The following TTC29 variants were observed in gnomAD, a reference collection of about 807,000 sequenced individuals.
The protein encoded by TTC29 is tetratricopeptide repeat domain 29.
Under a neutral mutation model 58.1 loss-of-function variants are expected in TTC29, and 49 were observed. That is an observed-to-expected ratio of 0.84 (90% CI 0.67 to 1.07). The LOEUF (loss-of-function observed/expected upper bound fraction) is 1.07, where lower values mean the gene tolerates loss of function less well. Among genes scored for constraint, TTC29 ranks in the 50% least tolerant of loss-of-function variants. The pLI is 0.00. For synonymous variants in TTC29, 209 were observed against 196.8 expected (o/e 1.06, Z -0.52); for missense variants, 582 against 555.6 (o/e 1.05, Z -0.48).
intron 11 of TTC29, among the ~76,000 whole-genome samples, chr4:146,737,781 A>T (rs1263820048): frequency 1.6e-4 from 24 of 152,188 alleles, no homozygotes; most frequent in Admixed American, 1.4e-3. Flanking sequence ...CATAATGTAC[A>T]ACAATGGGCA....
chr4:146,783,237 T>C (rs2150090702), intron 11 of TTC29, among the ~76,000 whole-genome samples: 1 of 152,186 alleles, frequency 6.6e-6, no homozygotes, highest in African/African-American at 2.4e-5. Context: ...TATTATCAAA[T>C]TCCTTTTCAC....
At chr4:146,718,895 T>C (rs1283388549) in intron 11 of TTC29, among the ~76,000 whole-genome samples, 1 of 152,166 alleles carries the variant, frequency 6.6e-6, no homozygotes, top group Non-Finnish European at 1.5e-5. Context: ...ATGATGTGCG[T>C]TAAGGTTCAA....
At chr4:146,856,326 T>C (rs955481076) in intron 8 of TTC29, among the ~76,000 whole-genome samples, 14 of 152,030 alleles carry the variant, frequency 9.2e-5, no homozygotes, top group Non-Finnish European at 4.4e-5. Flanking sequence ...ATAAGTAAAA[T>C]AATCATGAAG....
At chr4:146,807,487 T>C (rs1022962809) in intron 10 of TTC29, among the ~76,000 whole-genome samples, 2 of 151,782 alleles carry the variant, frequency 1.3e-5, no homozygotes, top group African/African-American at 4.8e-5. Flanking sequence ...ACAGATAGAA[T>C]GCTAGCCAGA....
At chr4:146,727,989 A>G (rs1465715252) in intron 11 of TTC29, among the ~76,000 whole-genome samples, 1 of 152,140 alleles carries the variant, frequency 6.6e-6, no homozygotes, top group East Asian at 1.9e-4. Context: ...GCTAACTGGA[A>G]TAAGAATCCA....
At chr4:146,824,886 T>A (rs1446261112) in intron 9 of TTC29, among the ~76,000 whole-genome samples, 2 of 152,158 alleles carry the variant, frequency 1.3e-5, no homozygotes, top group Admixed American at 1.3e-4. Context: ...AGTTTATTTG[T>A]GTATAGTTGT....
chr4:146,806,460 C>T (rs939953005), intron 10 of TTC29, among the ~76,000 whole-genome samples: 2 of 152,018 alleles, frequency 1.3e-5, no homozygotes, highest in Non-Finnish European at 2.9e-5. Flanking sequence ...GACTGAAGAC[C>T]CATCGGTGTG....
intron 4 of TTC29, among the ~76,000 whole-genome samples, chr4:146,912,458 C>T (rs1432790231): frequency 1.3e-5 from 2 of 152,120 alleles, no homozygotes; most frequent in African/African-American, 2.4e-5. Flanking sequence ...AGTAACTCTA[C>T]TCCCCTGAAG....
chr4:146,896,090 G>A (rs149482396), intron 6 of TTC29, among the ~76,000 whole-genome samples: 2 of 152,214 alleles, frequency 1.3e-5, no homozygotes, highest in Middle Eastern at 3.4e-3. Flanking sequence ...TTAACTTTAT[G>A]TTTAATTGAT....
intron 10 of TTC29, among the ~76,000 whole-genome samples, chr4:146,815,709 A>G (rs1210161669): frequency 2.0e-5 from 3 of 152,190 alleles, no homozygotes; most frequent in Admixed American, 2.0e-4. Context: ...AAAAAACAAT[A>G]AGTTCAGTTT....
chr4:146,823,130 T>G (rs1277095504), intron 9 of TTC29, among the ~76,000 whole-genome samples: 3 of 152,148 alleles, frequency 2.0e-5, no homozygotes, highest in Non-Finnish European at 4.4e-5. Flanking sequence ...TGTGAATTTT[T>G]GTTTTTGTTG....
chr4:146,874,640 A>G (rs1731134486), intron 7 of TTC29, 76 bp downstream of exon 7: 1 of 1,211,426 alleles, frequency 8.3e-7, no homozygotes, highest in African/African-American at 1.5e-5. Flanking sequence ...ACACTTGACG[A>G]TTTTTACTTC....
intron 6 of TTC29, among the ~76,000 whole-genome samples, chr4:146,899,003 G>A (rs78995892): frequency 0.051 from 7,828 of 152,234 alleles, 274 homozygotes; most frequent in South Asian, 0.14. Context: ...ATGGGGAAGC[G>A]GAAAGAGGAA....
intron 3 of TTC29, 39 bp downstream of exon 3, chr4:146,939,765 C>T (rs1226975112): frequency 2.0e-6 from 3 of 1,518,656 alleles, no homozygotes; most frequent in Non-Finnish European, 2.7e-6. Context: ...ACAGAAAATT[C>T]CTTCTGTAGG....
At chr4:146,719,753 G>C (rs1181481735) in intron 11 of TTC29, among the ~76,000 whole-genome samples, 1 of 151,970 alleles carries the variant, frequency 6.6e-6, no homozygotes, top group African/African-American at 2.4e-5. Flanking sequence ...CAAATCTAGG[G>C]TTTCCATCAT....
intron 11 of TTC29, among the ~76,000 whole-genome samples, chr4:146,753,386 A>G (rs1234826416): frequency 2.0e-5 from 3 of 152,244 alleles, no homozygotes; most frequent in African/African-American, 2.4e-5. Context: ...GACGATCATT[A>G]AAACGTCAGG....
chr4:146,872,079 A>C (rs1255809872), intron 7 of TTC29, among the ~76,000 whole-genome samples: 1 of 152,072 alleles, frequency 6.6e-6, no homozygotes, highest in African/African-American at 2.4e-5. Flanking sequence ...AGAATTGAGA[A>C]TCCAGACACA....
intron 11 of TTC29, among the ~76,000 whole-genome samples, chr4:146,732,491 C>T (rs1326930781): frequency 1.3e-5 from 2 of 152,086 alleles, no homozygotes; most frequent in Non-Finnish European, 2.9e-5. Flanking sequence ...ATTTATTATA[C>T]AAAGTGAACT....
At chr4:146,735,000 G>A (rs1744611771) in intron 11 of TTC29, among the ~76,000 whole-genome samples, 1 of 152,092 alleles carries the variant, frequency 6.6e-6, no homozygotes. Flanking sequence ...CAGGGAGTTG[G>A]TTCACTGGAT....
Sources: gnomAD v4.1 joint callset for allele counts (sites outside exome capture counted in the v4.1 genomes callset) on GRCh38, gnomAD v4.1.1 for gene constraint, MANE v1.5 for transcripts, NCBI Gene and HGNC (gene_info 2026-07-23, HGNC 2026-07-21) for gene names.